TRAPPC9: variants seen among roughly 807,000 people sequenced by gnomAD.
TRAPPC9 encodes the protein trafficking protein particle complex subunit 9.
TRAPPC9 carries 83 observed loss-of-function variants against 124.0 expected under a neutral mutation model. The ratio of observed to expected loss-of-function variants is 0.67; its 90% CI spans 0.56 to 0.80. The LOEUF (loss-of-function observed/expected upper bound fraction) is 0.80. TRAPPC9 is among the 30% of genes least tolerant of loss of function. The pLI is 0.00. For synonymous variants in TRAPPC9, 638 were observed against 617.5 expected, an observed-to-expected ratio of 1.03 and a Z score of -0.49; for missense variants, 1,302 against 1,508.3, an observed-to-expected ratio of 0.86 and a Z score of 2.27.
chr8:140,352,885 T>A (rs554826313), intron 9 of TRAPPC9, among the ~76,000 whole-genome samples: 1 of 152,178 alleles, frequency 6.6e-6, no homozygotes, highest in South Asian at 2.1e-4. Context: ...GAACCACTAA[T>A]GTCTGACCAA....
At chr8:140,225,034 A>G (rs1196772837) in intron 16 of TRAPPC9, among the ~76,000 whole-genome samples, 2 of 152,222 alleles carry the variant, frequency 1.3e-5, no homozygotes, top group Non-Finnish European at 2.9e-5. Flanking sequence ...ATTAGAACAC[A>G]TATACTGTGA....
rs149628952 is a variant in TRAPPC9, at chr8:140,080,837, G to A, written c.2557-56758C>T. 2.0e-3 allele frequency among the ~76,000 whole-genome samples: 311 copies of A among 152,322 alleles called. 1 individual carries two copies. Among genetic ancestry groups the A allele is most frequent in the African/African-American group, 7.0e-3 (291 of 41,574 alleles). On this transcript the variant is annotated intron_variant, in intron 17 of 22. Coordinates refer to ENST00000438773, the MANE Select transcript of TRAPPC9 (RefSeq NM_001160372.4). The stretch of plus-strand genomic sequence containing the variant: ...CTTTCATCATGTGTGTAATGAACCT[G>A]CAAACACGCTCAAGTGCCAAAGAAA...
chr8:140,333,603 C>T (rs1247074608), intron 9 of TRAPPC9, among the ~76,000 whole-genome samples: 1 of 152,186 alleles, frequency 6.6e-6, no homozygotes, highest in East Asian at 1.9e-4. Flanking sequence ...GTTGGCCAGG[C>T]TGGTCTCAAA....
intron 21 of TRAPPC9, among the ~76,000 whole-genome samples, chr8:139,830,296 C>T (rs961274798): frequency 3.3e-5 from 5 of 150,884 alleles, no homozygotes; most frequent in Non-Finnish European, 7.4e-5. Context: ...TACACATGCA[C>T]ACACACTACA....
intron 17 of TRAPPC9, among the ~76,000 whole-genome samples, chr8:140,042,534 G>A (rs1841339028): frequency 1.3e-5 from 2 of 152,170 alleles, no homozygotes; most frequent in African/African-American, 4.8e-5. Context: ...TTTTTCAGCT[G>A]AGATAACTGG....
chr8:140,138,163 C>T (rs987678569), intron 17 of TRAPPC9, among the ~76,000 whole-genome samples: 11 of 152,138 alleles, frequency 7.2e-5, no homozygotes, highest in Non-Finnish European at 1.6e-4. Context: ...TAGCCAGGCA[C>T]GGTGGGCAAA....
chr8:140,361,170 C>G, intron 8 of TRAPPC9, among the ~76,000 whole-genome samples: 1 of 152,246 alleles, frequency 6.6e-6, no homozygotes, highest in East Asian at 1.9e-4. Flanking sequence ...TCTGACAAAA[C>G]TGCCACGCAC....
intron 7 of TRAPPC9, among the ~76,000 whole-genome samples, chr8:140,385,284 T>C (rs1461043537): frequency 6.6e-6 from 1 of 151,984 alleles, no homozygotes; most frequent in East Asian, 1.9e-4. Flanking sequence ...GCAAACACAT[T>C]CAAAAGCTAG....
intron 19 of TRAPPC9, among the ~76,000 whole-genome samples, chr8:139,947,225 T>C (rs1367540052): frequency 6.6e-6 from 1 of 152,188 alleles, no homozygotes; most frequent in Non-Finnish European, 1.5e-5. Context: ...TTTCTTCTGC[T>C]ATAAATATTC....
At chr8:140,305,387 G>A (rs923808566) in intron 10 of TRAPPC9, among the ~76,000 whole-genome samples, 14 of 151,946 alleles carry the variant, frequency 9.2e-5, no homozygotes, top group Admixed American at 2.6e-4. Flanking sequence ...TGCAACCTCC[G>A]CCTCCTGGGT....
At chr8:140,316,274 T>C (rs4483132) in intron 9 of TRAPPC9, among the ~76,000 whole-genome samples, 50,659 of 151,950 alleles carry the variant, frequency 0.33, 9,209 homozygotes, top group East Asian at 0.66. Context: ...GCTTAAAACG[T>C]TGCTGGTCCT....
intron 18 of TRAPPC9, among the ~76,000 whole-genome samples, chr8:139,989,512 A>G (rs541551012): frequency 1.8e-4 from 27 of 152,362 alleles, no homozygotes; most frequent in African/African-American, 6.0e-4. Flanking sequence ...CCAGTAAGGC[A>G]CAGTCCCCTA....
chr8:139,818,674 T>C (rs1032522082), intron 21 of TRAPPC9, among the ~76,000 whole-genome samples: 2 of 152,236 alleles, frequency 1.3e-5, no homozygotes, highest in Admixed American at 6.5e-5. Context: ...TTTTAATATT[T>C]GCCAATTTCT....
chr8:140,423,052 T>A (rs1330756257), intron 5 of TRAPPC9, among the ~76,000 whole-genome samples: 1 of 152,194 alleles, frequency 6.6e-6, no homozygotes, highest in Non-Finnish European at 1.5e-5. Context: ...GTACAGCCAC[T>A]TTGGAAAACA....
chr8:140,100,715 G>T (rs1305124874), intron 17 of TRAPPC9, among the ~76,000 whole-genome samples: 2 of 152,346 alleles, frequency 1.3e-5, no homozygotes, highest in South Asian at 2.1e-4. Flanking sequence ...CGCTGGAGAT[G>T]AGGGTGGCCG....
intron 9 of TRAPPC9, among the ~76,000 whole-genome samples, chr8:140,346,366 G>A (rs1026848323): frequency 5.9e-5 from 9 of 152,172 alleles, no homozygotes; most frequent in African/African-American, 2.2e-4. Flanking sequence ...AATACCTGCA[G>A]AAAGGATGTA....
rs532403530 is a variant in TRAPPC9 at position 139,856,341 on chromosome 8, C to T, written c.3055+29538G>A. The stretch of plus-strand genomic sequence containing the variant: ...CCTCAGGGTCAAGGCCAACCCTCTC[C>T]GGGGATTTTTTCCTGAAGCCATCTC... On this transcript the variant is annotated intron_variant, in intron 21 of 22. Transcript: ENST00000438773. Among the ~76,000 whole-genome samples the T allele has an allele frequency of 5.4e-5, 8 of 149,414 alleles. No individual in the cohort carries two copies. The East Asian group carries it at 5.9e-4, about 11-fold the overall frequency.
chr8:139,790,318 A>C lies in TRAPPC9; in HGVS notation c.3056-58116T>G, dbSNP rs556196681. ...CCACTAATCACATTCAGAAGTTCCG[A>C]GCCCACCACCTAGAGTTTCAGAAAC... On this transcript the variant is annotated intron_variant, in intron 21 of 22. Coordinates refer to ENST00000438773, the MANE Select transcript of TRAPPC9 (RefSeq NM_001160372.4). Among the ~76,000 whole-genome samples, 10 of 152,364 alleles carry C rather than the reference A, an allele frequency of 6.6e-5. No individual in the cohort carries two copies. The South Asian group carries it at 2.1e-3, about 32-fold the overall frequency.
At chr8:139,947,907 T>TATATATATATATAGAGAGAGAGAG in intron 19 of TRAPPC9, among the ~76,000 whole-genome samples, 12 of 60,352 alleles carry the variant, frequency 2.0e-4, no homozygotes, top group East Asian at 1.8e-3. Flanking sequence ...TATATATATA[T>TATATATATATATAGAGAGAGAGAG]AGAGAGAGAG....
Sources: gnomAD v4.1 joint callset for allele counts (sites outside exome capture counted in the v4.1 genomes callset) on GRCh38, gnomAD v4.1.1 for gene constraint, MANE v1.5 for transcripts, NCBI Gene and HGNC (gene_info 2026-07-23, HGNC 2026-07-21) for gene names.